COX10: variants seen among roughly 807,000 people sequenced by gnomAD.
COX10 encodes the protein cytochrome c oxidase assembly factor heme A:farnesyltransferase COX10.
Under a neutral mutation model 37.3 loss-of-function variants are expected in COX10, and 27 were observed. The observed-to-expected ratio is 0.72, with a 90% CI of 0.53 to 1.00. The LOEUF is 1.00. Among genes scored for constraint, COX10 ranks in the 50% least tolerant of loss-of-function variants. The pLI is 0.00. For missense variants in COX10, 475 were observed against 563.2 expected (o/e 0.84, Z 1.59); for synonymous variants, 222 against 229.1 (o/e 0.97, Z 0.28).
chr17:14,171,285 C>T (rs1905458319), intron 5 of COX10, among the ~76,000 whole-genome samples: 1 of 152,200 alleles, frequency 6.6e-6, no homozygotes, highest in Admixed American at 6.5e-5. Context: ...CTTGGAATCA[C>T]GTCGAGGAGA....
Position 14,080,219 on chromosome 17 carries a change from C to CTTTT in COX10, c.499+3182_499+3185dup, listed in dbSNP as rs71147840. Among the ~76,000 whole-genome samples, 711 of 102,454 alleles carry CTTTT rather than the reference C, an allele frequency of 6.9e-3. 2 individuals carry two copies. Among genetic ancestry groups the CTTTT allele is most frequent in the East Asian group, 9.8e-3 (34 of 3,454 alleles). 67.2% of individuals were successfully genotyped at this position (102,454 alleles called of 152,430 possible). The stretch of plus-strand genomic sequence containing the variant: ...CAACAGCATTTGGGAATTAGACTTT[C>CTTTT]TTTTTTTTTTTTTTTTTTTTTTGAG... On this transcript the variant is annotated intron_variant, in intron 3 of 6. Coordinates refer to ENST00000261643, the MANE Select transcript of COX10 (RefSeq NM_001303.4).
At chr17:14,132,979 A>C (rs1266076550) in intron 4 of COX10, among the ~76,000 whole-genome samples, 1 of 151,758 alleles carries the variant, frequency 6.6e-6, no homozygotes, top group Non-Finnish European at 1.5e-5. Flanking sequence ...AGTACAACTC[A>C]ATCAATTTGG....
intron 4 of COX10, among the ~76,000 whole-genome samples, chr17:14,123,931 G>C (rs193137826): frequency 6.9e-6 from 1 of 144,126 alleles, no homozygotes; most frequent in Admixed American, 6.9e-5. Context: ...TCAGTATCAA[G>C]TATTTTTTTT....
chr17:14,204,865 G>C (rs997594738), intron 6 of COX10, among the ~76,000 whole-genome samples: 1 of 152,214 alleles, frequency 6.6e-6, no homozygotes, highest in Non-Finnish European at 1.5e-5. Context: ...ACTTTGAGAG[G>C]CTGAGGCAGG....
chr17:14,164,238 G>A (rs1171135177), intron 5 of COX10, among the ~76,000 whole-genome samples: 1 of 152,162 alleles, frequency 6.6e-6, no homozygotes, highest in Non-Finnish European at 1.5e-5. Flanking sequence ...GTATTTCAGA[G>A]GAACACAGTT....
chr17:14,121,447 A>G (rs1916227176), intron 4 of COX10, among the ~76,000 whole-genome samples: 1 of 152,192 alleles, frequency 6.6e-6, no homozygotes, highest in Non-Finnish European at 1.5e-5. Context: ...GACAATGAAA[A>G]TATCATGAGT....
At chr17:14,162,231 T>C (rs8081414) in intron 5 of COX10, among the ~76,000 whole-genome samples, 151,482 of 152,380 alleles carry the variant, frequency 0.99, 75,307 homozygotes, top group Middle Eastern at 1. Flanking sequence ...TAGACCACAA[T>C]CACTTTCAGA....
intron 4 of COX10, among the ~76,000 whole-genome samples, chr17:14,108,233 A>C (rs947908605): frequency 6.6e-6 from 1 of 152,188 alleles, no homozygotes; most frequent in Non-Finnish European, 1.5e-5. Flanking sequence ...TGATAACACT[A>C]ATTGCAGCAA....
intron 4 of COX10, among the ~76,000 whole-genome samples, chr17:14,113,956 A>G (rs1411059181): frequency 6.6e-6 from 1 of 152,166 alleles, no homozygotes; most frequent in African/African-American, 2.4e-5. Context: ...TGTATATTGT[A>G]TCTTTCCATG....
At chr17:14,101,111 G>C (rs1387969500) in intron 3 of COX10, among the ~76,000 whole-genome samples, 1 of 152,192 alleles carries the variant, frequency 6.6e-6, no homozygotes, top group Non-Finnish European at 1.5e-5. Flanking sequence ...TGTAGAGATA[G>C]AACAGACACT....
intron 5 of COX10, among the ~76,000 whole-genome samples, chr17:14,166,785 CTTTTTTTT>C (rs57127092): frequency 3.0e-5 from 3 of 100,260 alleles, no homozygotes; most frequent in South Asian, 3.7e-4. Flanking sequence ...CTATTTCTTT[CTTTTTTTT>C]TTTTTTTTTT....
At chr17:14,098,610 A>G (rs1313615144) in intron 3 of COX10, among the ~76,000 whole-genome samples, 1 of 152,188 alleles carries the variant, frequency 6.6e-6, no homozygotes, top group African/African-American at 2.4e-5. Flanking sequence ...CTTTAAAAAT[A>G]GTGCCTTTCT....
Position 14,207,333 on chromosome 17 carries a change from C to A in COX10, c.*120C>A. 1 of 1,293,870 alleles carries A rather than the reference C, an allele frequency of 7.7e-7. No homozygotes were observed. Among genetic ancestry groups the A allele is most frequent in the Non-Finnish European group, 1.0e-6 (1 of 977,920 alleles). 80.1% of individuals were successfully genotyped at this position (1,293,870 alleles called of 1,614,324 possible). A position where few individuals can be genotyped will look rare whatever the true frequency, so the allele number is the denominator to read the frequency against. ...AACAAGATTATAAACGAATTCGGTGCTCAGTGATCACTTGACAGTTTTTTT... is the reference window on the plus strand; with the variant it reads ...AACAAGATTATAAACGAATTCGGTGATCAGTGATCACTTGACAGTTTTTTT... On this transcript the variant is annotated 3_prime_UTR_variant, in exon 7 of 7. Transcript: ENST00000261643.
chr17:14,080,218 T>A (rs965106180), intron 3 of COX10, among the ~76,000 whole-genome samples: 1 of 145,682 alleles, frequency 6.9e-6, no homozygotes, highest in Non-Finnish European at 1.5e-5. Context: ...AATTAGACTT[T>A]CTTTTTTTTT....
chr17:14,190,033 A>G (rs1906153296), intron 5 of COX10, among the ~76,000 whole-genome samples: 1 of 152,172 alleles, frequency 6.6e-6, no homozygotes, highest in African/African-American at 2.4e-5. Context: ...AGGAATGAAG[A>G]CAGCCTCTTC....
intron 3 of COX10, among the ~76,000 whole-genome samples, chr17:14,084,834 A>G (rs1042590639): frequency 1.5e-4 from 23 of 152,132 alleles, no homozygotes; most frequent in Admixed American, 1.4e-3. Flanking sequence ...TAATTTTTGT[A>G]TTTTTAGTAG....
intron 4 of COX10, among the ~76,000 whole-genome samples, chr17:14,149,747 C>T (rs924973600): frequency 2.0e-5 from 3 of 152,174 alleles, no homozygotes; most frequent in Admixed American, 6.5e-5. Context: ...ATGATGGCAT[C>T]ATTTGAAATT....
intron 6 of COX10, among the ~76,000 whole-genome samples, chr17:14,197,214 G>A (rs1906392657): frequency 1.3e-5 from 2 of 152,164 alleles, no homozygotes; most frequent in South Asian, 4.1e-4. Flanking sequence ...CAGCCCATGG[G>A]TCAGAGTGCT....
At chr17:14,128,600 G>A (rs1376985373) in intron 4 of COX10, among the ~76,000 whole-genome samples, 1 of 151,966 alleles carries the variant, frequency 6.6e-6, no homozygotes, top group African/African-American at 2.4e-5. Flanking sequence ...GATTCCATAG[G>A]TTTTTTACAC....
Sources: gnomAD v4.1 joint callset for allele counts (sites outside exome capture counted in the v4.1 genomes callset) on GRCh38, gnomAD v4.1.1 for gene constraint, MANE v1.5 for transcripts, NCBI Gene and HGNC (gene_info 2026-07-23, HGNC 2026-07-21) for gene names.